Variants in ABCA3 observed in about 807,000 individuals in gnomAD.
ABCA3 encodes the protein ATP binding cassette subfamily A member 3.
A neutral mutation model predicts 172.8 loss-of-function variants in ABCA3; 88 were observed. That is an observed-to-expected ratio of 0.51 (90% CI 0.43 to 0.61). The LOEUF is 0.61. Ranked by LOEUF, ABCA3 falls within the 20% of genes least tolerant of loss-of-function variation. The pLI is 0.00. For missense variants in ABCA3, 2,164 were observed against 2,301.0 expected, an observed-to-expected ratio of 0.94 and a Z score of 1.22; for synonymous variants, 1,066 against 983.8, an observed-to-expected ratio of 1.08 and a Z score of -1.56.
chr16:2,303,335 C>A (rs1379984923), intron 12 of ABCA3, among the ~76,000 whole-genome samples: 3 of 150,822 alleles, frequency 2.0e-5, no homozygotes, highest in Non-Finnish European at 2.9e-5. Context: ...GATCTTGGCT[C>A]ACTGCAAGCT....
intron 3 of ABCA3, among the ~76,000 whole-genome samples, chr16:2,327,485 G>A (rs900698827): frequency 5.3e-5 from 8 of 152,320 alleles, no homozygotes; most frequent in Middle Eastern, 3.4e-3. Flanking sequence ...ACTGAACATA[G>A]TGTCCTGGGT....
In ABCA3 at chr16:2,279,880, A is replaced by G. The variant is rs1436496315; in HGVS notation, c.4360-750T>C. Among the ~76,000 whole-genome samples, 3 of 151,744 alleles carry G rather than the reference A, an allele frequency of 2.0e-5. No homozygotes were observed. The highest frequency in any genetic ancestry group is 6.6e-5 in the Admixed American group (1 of 15,226). ...TCATGCCTCAGGCTCCCGAGTAGCT[A>G]GGATTATAGGCACCTGCCACCATGC... On this transcript the variant is annotated intron_variant, in intron 28 of 32. Transcript: ENST00000301732. This position sits in a 1 kb window ranked among gnomAD's most constrained non-coding sequence, Gnocchi z 4.4.
chr16:2,292,105 C>A, intron 19 of ABCA3, 35 bp downstream of exon 19: 1 of 1,547,368 alleles, frequency 6.5e-7, no homozygotes. Flanking sequence ...GCACGGAGCC[C>A]AGTCCTAGGT....
At chr16:2,317,805 G>A (rs2093718876) in intron 8 of ABCA3, 41 bp from the exon 9 acceptor site, 2 of 1,584,016 alleles carry the variant, frequency 1.3e-6, no homozygotes, top group East Asian at 2.2e-5. Flanking sequence ...GCCCGTCACT[G>A]CCCGCCATGA....
At chr16:2,312,633 A>T (rs1454339745) in intron 10 of ABCA3, among the ~76,000 whole-genome samples, 1 of 151,114 alleles carries the variant, frequency 6.6e-6, no homozygotes, top group Non-Finnish European at 1.5e-5. Context: ...GGTTCAAGTG[A>T]TTCTCCTGCC....
Position 2,329,293 on chromosome 16 carries a change from A to G in ABCA3, c.-332+355T>C, listed in dbSNP as rs2093739431. The stretch of plus-strand genomic sequence containing the variant: ...TGAATAAAACAGCAGTGACTTAAAG[A>G]TACACATTAAGGCCTGTGGTTTATA... On this transcript the variant is annotated intron_variant, in intron 2 of 32. Transcript: ENST00000301732. Among the ~76,000 whole-genome samples, 3 of 152,170 alleles carry G rather than the reference A, an allele frequency of 2.0e-5. No individual in the cohort carries two copies. In the South Asian group the frequency reaches 6.2e-4, roughly 32 times the overall value.
Position 2,282,591 on chromosome 16 carries a change from C to A in ABCA3, c.4035+595G>T, listed in dbSNP as rs1165960674. On this transcript the variant is annotated intron_variant, in intron 26 of 32. Coordinates refer to ENST00000301732, the MANE Select transcript of ABCA3 (RefSeq NM_001089.3). Reference sequence around the variant, plus strand: ...ACACGTGGAGCACCCCTCAGCCCCACATCCCCTCCTCCGGGCACTGGGTGT... The same window carrying A: ...ACACGTGGAGCACCCCTCAGCCCCAAATCCCCTCCTCCGGGCACTGGGTGT... 2.0e-5 allele frequency among the ~76,000 whole-genome samples: 3 copies of A among 152,112 alleles called. No homozygotes were observed. In the East Asian group the frequency reaches 5.8e-4, roughly 29 times the overall value.
At position 2,323,540 on chromosome 16, in the gene ABCA3, G is replaced by A. The variant is rs777599187; in HGVS notation, c.596C>T (p.Pro199Leu). ...PNPGPREPTS[P>L]DGGEPGYIRE... ...CTTCTCACCAGGTTCTCCGCCATCA[G>A]GGGATGTAGGTTCCCTTGGTCCTGG... The change falls in exon 7 of 33, where the codon CCT becomes CTT. Residue 199 changes from proline to leucine, a missense_variant. Pro to Leu is a moderately conservative substitution (Grantham distance 98). Transcript: ENST00000301732. 1.1e-5 allele frequency: 18 copies of A among 1,614,080 alleles called. No individual in the cohort carries two copies. In the East Asian group the frequency reaches 3.8e-4, roughly 34 times the overall value.
At chr16:2,307,541 G>A (rs891373787) in intron 11 of ABCA3, among the ~76,000 whole-genome samples, 3 of 151,892 alleles carry the variant, frequency 2.0e-5, no homozygotes, top group East Asian at 1.9e-4. Context: ...GAAACAGAAC[G>A]AGACTCTTGT....
intron 7 of ABCA3, 113 bp downstream of exon 7, chr16:2,323,410 G>C: frequency 7.1e-7 from 1 of 1,406,824 alleles, no homozygotes; most frequent in Non-Finnish European, 1.0e-6. Context: ...CAAGCCAAAT[G>C]TCCTGAAAAG....
At position 2,283,482 on chromosome 16, in the gene ABCA3, G is replaced by GGTCAC; in HGVS notation, c.3863-125_3863-124insGTGAC. ...CCTGTAACAATGTCCCCTCCATGGG[G>GGTCAC]AGATGTGAAGGCCAGTAGGTCACAG... On this transcript the variant is annotated intron_variant, in intron 25 of 32. Transcript: ENST00000301732. The surrounding 1 kb of genome is among the most constrained non-coding windows in gnomAD (Gnocchi z 5.4). 8.8e-7 allele frequency: 1 copy of GGTCAC among 1,137,754 alleles called. No individual in the cohort carries two copies. Among genetic ancestry groups the GGTCAC allele is most frequent in the Non-Finnish European group, 1.2e-6 (1 of 807,546 alleles). The allele number at this position is 1,137,754 out of a possible 1,614,324, so 70.5% of individuals were successfully genotyped here. A position where few individuals can be genotyped will look rare whatever the true frequency, so the allele number is the denominator to read the frequency against.
rs374931466 is a variant in ABCA3 at position 2,279,083 on chromosome 16, G to T, written c.4407C>A (p.Asp1469Glu). 4 of 1,612,760 alleles carry T rather than the reference G, an allele frequency of 2.5e-6. No individual in the cohort carries two copies. Among genetic ancestry groups the T allele is most frequent in the Non-Finnish European group, 3.4e-6 (4 of 1,180,048 alleles). The stretch of plus-strand genomic sequence containing the variant: ...CCAGCATCTCCCGGCCTGTCATGTG[G>T]TCCAGCAAGGCATCAAACTGCGGGC... ...GYCPQFDALL[D>E]HMTGREMLVM... Residue 1469 changes from aspartate (D) to glutamate (E), a missense_variant, in exon 29 of 33, where the codon GAC (aspartate) becomes GAA (glutamate). Transcript: ENST00000301732. This position sits in a 1 kb window ranked among gnomAD's most constrained non-coding sequence, Gnocchi z 4.4.
intron 15 of ABCA3, 118 bp downstream of exon 15, chr16:2,298,268 G>C (rs1177247619): frequency 1.3e-6 from 2 of 1,509,732 alleles, no homozygotes; most frequent in Non-Finnish European, 1.8e-6. Context: ...GCTGGACTCA[G>C]AACCCTGGCT....
At chr16:2,298,587 G>A (rs749329062) in intron 14 of ABCA3, 47 bp from the exon 15 acceptor site, 22 of 1,605,308 alleles carry the variant, frequency 1.4e-5, no homozygotes, top group South Asian at 8.8e-5. Context: ...GATCCTGCTC[G>A]TCAGCACCCG....
chr16:2,295,439 G>C (rs1208593568), intron 18 of ABCA3, 151 bp downstream of exon 18: 1 of 1,201,822 alleles, frequency 8.3e-7, no homozygotes, highest in Non-Finnish European at 1.2e-6. Flanking sequence ...AGATTCATCT[G>C]GGCTGATGGT....
chr16:2,337,521 G>T (rs995036893), intron 1 of ABCA3, among the ~76,000 whole-genome samples: 22 of 150,220 alleles, frequency 1.5e-4, no homozygotes, highest in African/African-American at 4.2e-4. Context: ...CCATGGGTGT[G>T]CACCACCATG....
At chr16:2,335,852 T>C (rs2093750886) in intron 1 of ABCA3, among the ~76,000 whole-genome samples, 1 of 152,204 alleles carries the variant, frequency 6.6e-6, no homozygotes, top group South Asian at 2.1e-4. Flanking sequence ...AAAATGACCA[T>C]GAGTATCTTT....
At chr16:2,314,746 T>C (rs2093712180) in intron 10 of ABCA3, among the ~76,000 whole-genome samples, 1 of 151,362 alleles carries the variant, frequency 6.6e-6, no homozygotes, top group African/African-American at 2.4e-5. Context: ...CTGGCTAATT[T>C]TGTATTTTTA....
rs138398036 is a variant in ABCA3 at position 2,336,814 on chromosome 16, C to T, written c.-539+3759G>A. ...TGAGAGTTTATAAATGGGATGTGGA[C>T]ACATGGCTTTCATCTTTAAAAAGCA... On this transcript the variant is annotated intron_variant, in intron 1 of 32. Coordinates refer to ENST00000301732, the MANE Select transcript of ABCA3 (RefSeq NM_001089.3). Among the ~76,000 whole-genome samples the T allele has an allele frequency of 2.0e-4, 30 of 152,050 alleles. 2 individuals are homozygous for T. In the South Asian group the frequency reaches 5.0e-3, roughly 25 times the overall value.
Sources: gnomAD v4.1 joint callset for allele counts (sites outside exome capture counted in the v4.1 genomes callset) on GRCh38, gnomAD v4.1.1 for gene constraint, Gnocchi (gnomAD v3.1) non-coding constraint, MANE v1.5 for transcripts, NCBI Gene and HGNC (gene_info 2026-07-23, HGNC 2026-07-21) for gene names.